TMPRSS15: variants seen among roughly 807,000 people sequenced by gnomAD.
TMPRSS15 encodes transmembrane serine protease 15, also known as enteropeptidase.
Under a neutral mutation model 125.3 loss-of-function variants are expected in TMPRSS15, and 128 were observed. That is an observed-to-expected ratio of 1.02 (90% CI 0.89 to 1.18). TMPRSS15 has a LOEUF of 1.18. Ranked by LOEUF, TMPRSS15 falls within the 50% of genes most tolerant of loss-of-function variation. The pLI is 0.00. For synonymous variants in TMPRSS15, 446 were observed against 423.2 expected (o/e 1.05, Z -0.66); for missense variants, 1,283 against 1,212.7 (o/e 1.06, Z -0.86).
intron 1 of TMPRSS15, among the ~76,000 whole-genome samples, chr21:18,413,005 T>C: frequency 6.6e-6 from 1 of 152,210 alleles, no homozygotes; most frequent in Middle Eastern, 3.2e-3. Context: ...TCTGTATTCA[T>C]TCTTCCCTTT....
chr21:18,405,912 CTT>C (rs2076150426), upstream of TMPRSS15, among the ~76,000 whole-genome samples: 1 of 152,134 alleles, frequency 6.6e-6, no homozygotes, highest in African/African-American at 2.4e-5. Flanking sequence ...GTAACACTGA[CTT>C]TTCTTTTTTT....
chr21:18,482,269 CTT>C (rs2123292555), intron 1 of TMPRSS15, among the ~76,000 whole-genome samples: 1 of 151,462 alleles, frequency 6.6e-6, no homozygotes, highest in Admixed American at 6.6e-5. Flanking sequence ...CTTCCAAAAA[CTT>C]TATACATTTA....
At chr21:18,305,391 G>T (rs548678790) in intron 18 of TMPRSS15, among the ~76,000 whole-genome samples, 32 of 151,752 alleles carry the variant, frequency 2.1e-4, no homozygotes, top group East Asian at 7.8e-4. Context: ...GGTTTCACCG[G>T]GTTAGCCAGG....
chr21:18,320,452 C>T (rs1183031763), intron 16 of TMPRSS15, among the ~76,000 whole-genome samples: 1 of 151,938 alleles, frequency 6.6e-6, no homozygotes, highest in Non-Finnish European at 1.5e-5. Flanking sequence ...TAATTTTACC[C>T]TTTTACTAAT....
At chr21:18,316,988 A>T (rs1330811237) in intron 16 of TMPRSS15, among the ~76,000 whole-genome samples, 1 of 152,296 alleles carries the variant, frequency 6.6e-6, no homozygotes, top group East Asian at 1.9e-4. Flanking sequence ...GCACGTGAAC[A>T]ATCATATGGG....
In TMPRSS15 at chr21:18,269,189, A is replaced by G. The variant is rs972480930; in HGVS notation, c.*780T>C. The stretch of plus-strand genomic sequence containing the variant: ...CAGCTGTGTCTAAATAAGTTTTCAT[A>G]TATTAGAAATATCCACTGTAACACA... On this transcript the variant is annotated 3_prime_UTR_variant, in exon 25 of 25. Coordinates refer to ENST00000284885, the MANE Select transcript of TMPRSS15 (RefSeq NM_002772.3). The G allele has an allele frequency of 1.3e-5, 2 of 152,304 alleles. No homozygotes were observed. The highest frequency in any genetic ancestry group is 4.1e-4 in the South Asian group (2 of 4,828). 9.4% of individuals were successfully genotyped at this position (152,304 alleles called of 1,614,324 possible). A position where few individuals can be genotyped will look rare whatever the true frequency, so the allele number is the denominator to read the frequency against.
chr21:18,449,198 A>G (rs1044276098), intron 1 of TMPRSS15, among the ~76,000 whole-genome samples: 4 of 152,194 alleles, frequency 2.6e-5, no homozygotes, highest in Non-Finnish European at 4.4e-5. Flanking sequence ...TTGAAAATGT[A>G]GCATTATATA....
chr21:18,465,968 A>G (rs1186861730), intron 1 of TMPRSS15, among the ~76,000 whole-genome samples: 1 of 152,240 alleles, frequency 6.6e-6, no homozygotes, highest in African/African-American at 2.4e-5. Flanking sequence ...ATCCTAAGCG[A>G]AAAGAACAAA....
At chr21:18,316,765 G>C (rs2824733) in intron 16 of TMPRSS15, among the ~76,000 whole-genome samples, 1 of 152,006 alleles carries the variant, frequency 6.6e-6, no homozygotes, top group Non-Finnish European at 1.5e-5. Context: ...GAGATTGTTC[G>C]GTCTTTAAAA....
At chr21:18,372,400 C>T in intron 5 of TMPRSS15, 76 bp from the exon 6 acceptor site, 2 of 1,345,238 alleles carry the variant, frequency 1.5e-6, no homozygotes, top group Non-Finnish European at 2.1e-6. Context: ...GGCCTTTTTG[C>T]CACTGGGGTT....
intron 7 of TMPRSS15, among the ~76,000 whole-genome samples, chr21:18,360,534 T>A (rs183718072): frequency 7.1e-4 from 108 of 152,254 alleles, no homozygotes; most frequent in African/African-American, 2.5e-3. Context: ...CTCGATATCA[T>A]TTGTGGAAAA....
At chr21:18,318,912 A>T (rs933549402) in intron 16 of TMPRSS15, among the ~76,000 whole-genome samples, 3 of 152,222 alleles carry the variant, frequency 2.0e-5, no homozygotes, top group Non-Finnish European at 2.9e-5. Context: ...GAATAAGTAG[A>T]TATTTTTAAA....
At chr21:18,328,740 G>A (rs2146964887) in intron 15 of TMPRSS15, among the ~76,000 whole-genome samples, 1 of 152,162 alleles carries the variant, frequency 6.6e-6, no homozygotes, top group Non-Finnish European at 1.5e-5. Flanking sequence ...CCAATAATAA[G>A]TTACTGCATA....
At chr21:18,309,067 C>A (rs2075067301) in intron 18 of TMPRSS15, among the ~76,000 whole-genome samples, 1 of 152,078 alleles carries the variant, frequency 6.6e-6, no homozygotes, top group African/African-American at 2.4e-5. Context: ...GTGCATGTGT[C>A]TTTATAGTAG....
At chr21:18,479,669 A>C (rs1978944055) in intron 1 of TMPRSS15, among the ~76,000 whole-genome samples, 1 of 152,134 alleles carries the variant, frequency 6.6e-6, no homozygotes, top group South Asian at 2.1e-4. Context: ...AGAGAAATGC[A>C]AATCAAAACC....
intron 19 of TMPRSS15, among the ~76,000 whole-genome samples, chr21:18,296,376 G>C (rs976332509): frequency 7.2e-5 from 11 of 152,140 alleles, no homozygotes; most frequent in Non-Finnish European, 1.5e-4. Context: ...ATGAACATAT[G>C]TCTGATTTTC....
intron 18 of TMPRSS15, among the ~76,000 whole-genome samples, chr21:18,310,933 CTTTTTTTTTT>C (rs71329779): frequency 7.3e-6 from 1 of 136,872 alleles, no homozygotes; most frequent in East Asian, 2.2e-4. Context: ...CCCACTGATT[CTTTTTTTTTT>C]TTTTTTTTTT....
intron 14 of TMPRSS15, among the ~76,000 whole-genome samples, chr21:18,329,796 A>G (rs1473918344): frequency 6.6e-6 from 1 of 151,964 alleles, no homozygotes; most frequent in East Asian, 1.9e-4. Flanking sequence ...ACCAGCATCA[A>G]TAAACACTTC....
chr21:18,400,622 CA>C (rs113900151), intron 1 of TMPRSS15, among the ~76,000 whole-genome samples: 89 of 152,154 alleles, frequency 5.8e-4, no homozygotes, highest in African/African-American at 2.0e-3. Flanking sequence ...CAAACTATAA[CA>C]ATCCTAGAGG....
Sources: allele counts gnomAD v4.1 joint callset (sites outside exome capture counted in the v4.1 genomes callset), GRCh38; gene constraint gnomAD v4.1.1; transcripts MANE v1.5; gene names NCBI Gene and HGNC (gene_info 2026-07-23, HGNC 2026-07-21).